Variants in UBR3 observed in about 807,000 individuals in gnomAD.
UBR3 encodes ubiquitin protein ligase E3 component n-recognin 3, also known as E3 ubiquitin-protein ligase UBR3.
In UBR3, 85 loss-of-function variants were observed where a neutral mutation model predicts 243.2. The ratio of observed to expected loss-of-function variants is 0.35; its 90% confidence interval spans 0.29 to 0.42. The LOEUF (loss-of-function observed/expected upper bound fraction) is 0.42. Ranked by LOEUF, UBR3 falls within the 10% of genes least tolerant of loss-of-function variation. The pLI, the probability that UBR3 is intolerant of heterozygous loss-of-function variation, is 1.00. For synonymous variants in UBR3, 748 were observed against 799.8 expected (o/e 0.94, Z 1.09); for missense variants, 1,686 against 2,300.8 (o/e 0.73, Z 5.47).
At chr2:169,970,233 A>AG (rs2088049097) in intron 24 of UBR3, among the ~76,000 whole-genome samples, 2 of 77,774 alleles carry the variant, frequency 2.6e-5, no homozygotes. Flanking sequence ...ACTTGTTCCT[A>AG]GGTTTTTTTT....
At chr2:169,859,997 G>A (rs1173145182) in intron 1 of UBR3, among the ~76,000 whole-genome samples, 4 of 152,090 alleles carry the variant, frequency 2.6e-5, no homozygotes, top group African/African-American at 9.7e-5. Flanking sequence ...GATTACAGGC[G>A]TGAGCCACCG....
chr2:169,896,731 A>G lies in UBR3; in HGVS notation c.1461A>G (p.Leu487=). 6.5e-7 allele frequency: 1 copy of G among 1,547,220 alleles called. No homozygotes were observed. Among genetic ancestry groups the G allele is most frequent in the Non-Finnish European group, 8.7e-7 (1 of 1,144,406 alleles). Residue 487 remains leucine, a synonymous_variant, in exon 8 of 39, where the codon CTA becomes CTG. Coordinates refer to ENST00000272793, the MANE Select transcript of UBR3 (RefSeq NM_172070.4). ...MMESCLIKSE[L]QDEENSLHVV... is the part of the protein sequence containing the mutation. The stretch of plus-strand genomic sequence containing the variant: ...AAAGTTGCCTTATTAAAAGTGAGCT[A>G]CAAGGTAACTCAGAATTATATTCAC...
chr2:169,986,043 C>A (rs909555906), intron 24 of UBR3, among the ~76,000 whole-genome samples: 5 of 152,084 alleles, frequency 3.3e-5, no homozygotes, highest in African/African-American at 9.7e-5. Context: ...CTATTAGTAA[C>A]ATTATATCAC....
At chr2:170,061,267 A>G in intron 34 of UBR3, 51 bp from the exon 35 acceptor site, 1 of 1,585,038 alleles carries the variant, frequency 6.3e-7, no homozygotes, top group Non-Finnish European at 8.5e-7. Context: ...GTAATTTTTA[A>G]AAACTCTTTA....
chr2:169,831,453 T>A (rs569713034), intron 1 of UBR3, among the ~76,000 whole-genome samples: 4 of 151,986 alleles, frequency 2.6e-5, no homozygotes, highest in Non-Finnish European at 5.9e-5. Flanking sequence ...CCCGGCCGGA[T>A]ACATAATATT....
chr2:169,963,422 T>G (rs1224520870), intron 24 of UBR3, among the ~76,000 whole-genome samples: 1 of 152,186 alleles, frequency 6.6e-6, no homozygotes, highest in Admixed American at 6.6e-5. Flanking sequence ...TATTGACATC[T>G]CTTATTTGCT....
chr2:170,045,287 A>G (rs1371063233), intron 32 of UBR3, among the ~76,000 whole-genome samples: 1 of 152,174 alleles, frequency 6.6e-6, no homozygotes, highest in African/African-American at 2.4e-5. Flanking sequence ...AACCACCCCC[A>G]TGATTCAGTT....
Position 170,004,402 on chromosome 2 carries a change from TAGG to T in UBR3, c.4030-2585_4030-2583del, listed in dbSNP as rs770780499. Among the ~76,000 whole-genome samples the T allele has an allele frequency of 1.6e-3, 250 of 152,142 alleles. 1 individual carries two copies. Among genetic ancestry groups the T allele is most frequent in the Non-Finnish European group, 2.9e-3 (199 of 67,984 alleles). On this transcript the variant is annotated intron_variant, in intron 27 of 38. Coordinates refer to ENST00000272793, the MANE Select transcript of UBR3 (RefSeq NM_172070.4). Reference sequence around the variant, plus strand: ...GTAGTGGTATGTTTGGGAGACTACTTAGGAGAGAGATGAGTAAAGGTGATAGAA... The same window carrying T: ...GTAGTGGTATGTTTGGGAGACTACTTAGAGAGATGAGTAAAGGTGATAGAA...
At chr2:170,033,956 A>G (rs534360249) in intron 31 of UBR3, among the ~76,000 whole-genome samples, 1 of 151,732 alleles carries the variant, frequency 6.6e-6, no homozygotes, top group Non-Finnish European at 1.5e-5. Context: ...TTAAAAGACT[A>G]TCTAAAACTT....
At chr2:169,831,127 A>ATATATATATATATATATATTT (rs1450878762) in intron 1 of UBR3, among the ~76,000 whole-genome samples, 1 of 56,478 alleles carries the variant, frequency 1.8e-5, no homozygotes, top group Non-Finnish European at 2.8e-5. Context: ...ATATATATAT[A>ATATATATATATATATATATTT]TTTTTTTTTT....
chr2:169,851,261 A>G (rs1295656888), intron 1 of UBR3, among the ~76,000 whole-genome samples: 1 of 151,872 alleles, frequency 6.6e-6, no homozygotes, highest in Non-Finnish European at 1.5e-5. Context: ...AGTAGCTAGG[A>G]ACACAGGTGT....
intron 1 of UBR3, among the ~76,000 whole-genome samples, chr2:169,865,285 T>G (rs781051489): frequency 3.9e-5 from 6 of 152,158 alleles, no homozygotes; most frequent in Non-Finnish European, 5.9e-5. Context: ...TTATCAATTC[T>G]TTATTGAGCA....
chr2:169,833,919 A>C (rs753643780), intron 1 of UBR3, among the ~76,000 whole-genome samples: 1 of 151,992 alleles, frequency 6.6e-6, no homozygotes, highest in Non-Finnish European at 1.5e-5. Context: ...AGTAGCTGTG[A>C]CTGTAGGCGC....
chr2:169,916,095 C>CA (rs1266727726), intron 11 of UBR3, among the ~76,000 whole-genome samples: 1 of 152,092 alleles, frequency 6.6e-6, no homozygotes, highest in East Asian at 1.9e-4. Flanking sequence ...TGCTTGTGCT[C>CA]ATTGCTATTG....
chr2:169,960,885 G>A (rs955160753), intron 24 of UBR3, among the ~76,000 whole-genome samples: 5 of 151,926 alleles, frequency 3.3e-5, no homozygotes, highest in African/African-American at 9.7e-5. Context: ...GTTCTACATC[G>A]ACTGTTTTTG....
In UBR3 at chr2:169,924,107, T is replaced by C. The variant is rs1418619498; in HGVS notation, c.1956T>C (p.Asp652=). 1.3e-6 allele frequency: 2 copies of C among 1,546,114 alleles called. No homozygotes were observed. Residue 652 remains aspartate (D), a synonymous_variant, in exon 13 of 39, where the codon GAT becomes GAC. Coordinates refer to ENST00000272793, the MANE Select transcript of UBR3 (RefSeq NM_172070.4). The stretch of plus-strand genomic sequence containing the variant: ...AGGCTGTGAAATGTCAAGAACTAGA[T>C]TTGGATTCTGTTTTACCAGATCAGG... ...LSKAVKCQEL[D]LDSVLPDQEM... is the part of the protein sequence containing the mutation.
chr2:169,854,332 A>G (rs1269160062), intron 1 of UBR3, among the ~76,000 whole-genome samples: 2 of 150,968 alleles, frequency 1.3e-5, no homozygotes, highest in Non-Finnish European at 2.9e-5. Flanking sequence ...TGAAACTGTT[A>G]ATGCATTACC....
intron 23 of UBR3, among the ~76,000 whole-genome samples, chr2:169,957,590 A>T (rs1332731306): frequency 4.6e-5 from 7 of 150,628 alleles, no homozygotes; most frequent in African/African-American, 1.5e-4. Context: ...GAGGGAAAGC[A>T]TTAGGAGATA....
intron 25 of UBR3, among the ~76,000 whole-genome samples, chr2:169,992,146 A>G (rs1256799712): frequency 6.6e-6 from 1 of 152,224 alleles, no homozygotes; most frequent in African/African-American, 2.4e-5. Context: ...TTATGCCAAA[A>G]AATTAGATGA....
Sources: gnomAD v4.1 joint callset for allele counts (sites outside exome capture counted in the v4.1 genomes callset) on GRCh38, gnomAD v4.1.1 for gene constraint, MANE v1.5 for transcripts, NCBI Gene and HGNC (gene_info 2026-07-23, HGNC 2026-07-21) for gene names.